NUCB2: variants seen among roughly 807,000 people sequenced by gnomAD.
NUCB2 encodes nucleobindin-2.
A neutral mutation model predicts 57.9 loss-of-function variants in NUCB2; 48 were observed. The observed-to-expected ratio is 0.83, with a 90% CI of 0.66 to 1.05. NUCB2 has a LOEUF of 1.05. Ranked by LOEUF, NUCB2 falls within the 50% of genes least tolerant of loss-of-function variation. The pLI is 0.00. For synonymous variants in NUCB2, 139 were observed against 152.1 expected (o/e 0.91, Z 0.64); for missense variants, 442 against 476.2 (o/e 0.93, Z 0.67).
In NUCB2 at chr11:17,330,898, C is replaced by A; in HGVS notation, c.1174-4C>A. ...ACTTTTAACTTTCATTTTCCATTCA[C>A]CAGGTCATACAGCAGATGGAACAAA... is the stretch of plus-strand genomic sequence containing the variant. On this transcript the variant is annotated splice_region_variant and splice_polypyrimidine_tract_variant and intron_variant, in intron 12 of 13. Coordinates refer to ENST00000529010, the MANE Select transcript of NUCB2 (RefSeq NM_005013.4). The surrounding 1 kb of genome is among the most constrained non-coding windows in gnomAD (Gnocchi z 4.3). 2 of 1,562,880 alleles carry A rather than the reference C, an allele frequency of 1.3e-6. No homozygotes were observed. Among genetic ancestry groups the A allele is most frequent in the Non-Finnish European group, 1.8e-6 (2 of 1,133,980 alleles).
At chr11:17,335,078 A>G (rs772122305), downstream of NUCB2, among the ~76,000 whole-genome samples, 4 of 152,106 alleles carry the variant, frequency 2.6e-5, no homozygotes, top group Non-Finnish European at 5.9e-5. Flanking sequence ...TAAAAACCCT[A>G]CAAAAACCAC....
chr11:17,278,044 C>T (rs1941695942), intron 1 of NUCB2, among the ~76,000 whole-genome samples: 1 of 151,766 alleles, frequency 6.6e-6, no homozygotes, highest in South Asian at 2.1e-4. Flanking sequence ...ATGATCTCAT[C>T]TACCTTTGTA....
chr11:17,349,781 C>CT (rs1477820810), exon 3 of NUCB2: 1 of 152,148 alleles, frequency 6.6e-6, no homozygotes, highest in Non-Finnish European at 1.5e-5. Context: ...GTGAATGTCC[C>CT]TTATTTACCA....
At chr11:17,326,318 T>G (rs1408695029) in intron 11 of NUCB2, among the ~76,000 whole-genome samples, 3 of 143,480 alleles carry the variant, frequency 2.1e-5, no homozygotes, top group African/African-American at 7.7e-5. Context: ...ACCGTTTTTT[T>G]TTTTTTTTTT....
intron 11 of NUCB2, among the ~76,000 whole-genome samples, chr11:17,323,507 C>T (rs781481460): frequency 1.3e-5 from 2 of 152,110 alleles, no homozygotes; most frequent in Non-Finnish European, 2.9e-5. Context: ...TTAATATCCA[C>T]CAGAGCTATT....
intron 10 of NUCB2, among the ~76,000 whole-genome samples, chr11:17,313,774 T>C (rs779240772): frequency 6.6e-6 from 1 of 152,100 alleles, no homozygotes; most frequent in Non-Finnish European, 1.5e-5. Context: ...TACCTCACTC[T>C]CTCTTCTTTG....
chr11:17,324,083 C>T (rs1433498459), intron 11 of NUCB2, among the ~76,000 whole-genome samples: 3 of 151,834 alleles, frequency 2.0e-5, no homozygotes, highest in Admixed American at 6.6e-5. Context: ...TTTATTTTTT[C>T]ATCTTCTACT....
chr11:17,334,229 C>A (rs1285329098), downstream of NUCB2: 1 of 152,172 alleles, frequency 6.6e-6, no homozygotes, highest in African/African-American at 2.4e-5. Flanking sequence ...ATATAGGTCA[C>A]AGAATCAATG....
chr11:17,313,820 G>A (rs1948858514), intron 10 of NUCB2, among the ~76,000 whole-genome samples: 1 of 151,942 alleles, frequency 6.6e-6, no homozygotes, highest in South Asian at 2.1e-4. Flanking sequence ...TCTACATGTT[G>A]CATTGCCCTG....
At chr11:17,312,864 G>A (rs1389021683) in intron 10 of NUCB2, among the ~76,000 whole-genome samples, 9 of 150,422 alleles carry the variant, frequency 6.0e-5, no homozygotes, top group African/African-American at 2.0e-4. Flanking sequence ...GCACCACCAC[G>A]CCTGGCTGAT....
intron 4 of NUCB2, among the ~76,000 whole-genome samples, chr11:17,297,988 A>G (rs1591332326): frequency 6.7e-6 from 1 of 150,236 alleles, no homozygotes; most frequent in African/African-American, 2.4e-5. Flanking sequence ...AGGCTGAGGC[A>G]GGAGAATTGC....
intron 5 of NUCB2, among the ~76,000 whole-genome samples, chr11:17,307,382 A>G (rs573209019): frequency 6.6e-6 from 1 of 151,806 alleles, no homozygotes; most frequent in African/African-American, 2.4e-5. Flanking sequence ...TTGTACTCCT[A>G]TTCCTGGCTT....
chr11:17,288,769 G>C (rs1468695212), intron 2 of NUCB2, among the ~76,000 whole-genome samples: 1 of 150,274 alleles, frequency 6.7e-6, no homozygotes, highest in African/African-American at 2.5e-5. Context: ...TGGCCAGGCT[G>C]GTTGCAAACC....
At chr11:17,340,532 T>A (rs975756337) in intron 2 of NUCB2, among the ~76,000 whole-genome samples, 9 of 152,030 alleles carry the variant, frequency 5.9e-5, no homozygotes, top group Admixed American at 5.9e-4. Flanking sequence ...TTGTATAAGG[T>A]GTAAGGAAGG....
chr11:17,304,710 A>ATG (rs1323915308), intron 5 of NUCB2, among the ~76,000 whole-genome samples: 1 of 152,216 alleles, frequency 6.6e-6, no homozygotes, highest in Non-Finnish European at 1.5e-5. Context: ...TATTTTCCAT[A>ATG]TGTACGTAAC....
intron 5 of NUCB2, among the ~76,000 whole-genome samples, chr11:17,306,769 A>AT (rs1419366681): frequency 4.6e-5 from 7 of 152,098 alleles, no homozygotes; most frequent in Non-Finnish European, 1.0e-4. Flanking sequence ...ATACAAAAAA[A>AT]TAGCCAGATG....
At chr11:17,300,409 T>C (rs1225219296) in intron 4 of NUCB2, among the ~76,000 whole-genome samples, 3 of 152,232 alleles carry the variant, frequency 2.0e-5, no homozygotes, top group Non-Finnish European at 2.9e-5. Flanking sequence ...AGAAACTGTG[T>C]GCCCATTAAG....
chr11:17,295,625 C>A, intron 3 of NUCB2, 158 bp downstream of exon 3: 1 of 624,438 alleles, frequency 1.6e-6, no homozygotes, highest in African/African-American at 1.9e-5. Context: ...AAATTGTACA[C>A]TTGGGAACTA....
chr11:17,293,817 T>C (rs1442395837), intron 2 of NUCB2, among the ~76,000 whole-genome samples: 1 of 152,222 alleles, frequency 6.6e-6, no homozygotes, highest in Non-Finnish European at 1.5e-5. Flanking sequence ...TATAATTCCA[T>C]TTATATGAAA....
Sources: allele counts gnomAD v4.1 joint callset (sites outside exome capture counted in the v4.1 genomes callset), GRCh38; gene constraint gnomAD v4.1.1; non-coding constraint Gnocchi (gnomAD v3.1); transcripts MANE v1.5; gene names NCBI Gene and HGNC (gene_info 2026-07-23, HGNC 2026-07-21).